ZKSCAN8: variants seen among roughly 807,000 people sequenced by gnomAD.
ZKSCAN8 encodes the protein zinc finger with KRAB and SCAN domains 8, also known as zinc finger protein with KRAB and SCAN domains 8.
Under a neutral mutation model 57.2 loss-of-function variants are expected in ZKSCAN8, and 27 were observed. That is an observed-to-expected ratio of 0.47 (90% CI 0.35 to 0.65). The LOEUF (loss-of-function observed/expected upper bound fraction) is 0.65, where lower values mean the gene tolerates loss of function less well. Ranked by LOEUF, ZKSCAN8 falls within the 30% of genes least tolerant of loss-of-function variation. ZKSCAN8 has a pLI of 0.01. For synonymous variants in ZKSCAN8, 214 were observed against 248.7 expected, an observed-to-expected ratio of 0.86 and a Z score of 1.31; for missense variants, 597 against 696.3, an observed-to-expected ratio of 0.86 and a Z score of 1.60.
In ZKSCAN8 at chr6:28,142,004, A is replaced by C. The variant is rs1229298196; in HGVS notation, c.-118A>C. 1 of 152,250 alleles carries C rather than the reference A, an allele frequency of 6.6e-6. No individual in the cohort carries two copies. Among genetic ancestry groups the C allele is most frequent in the Non-Finnish European group, 1.5e-5 (1 of 68,094 alleles). The allele number at this position is 152,250 out of a possible 1,614,324, so 9.4% of individuals were successfully genotyped here. On this transcript the variant is annotated 5_prime_UTR_variant, in exon 1 of 6. Transcript: ENST00000330236. Reference sequence around the variant, plus strand: ...TTATCCGTTGCAGCCTCCCTTCCCCACGACGGGGCGCCTCTGCAACTCACA... The same window carrying C: ...TTATCCGTTGCAGCCTCCCTTCCCCCCGACGGGGCGCCTCTGCAACTCACA...
rs973168906 is a variant in ZKSCAN8, at chr6:28,156,938, C to T, written c.*2921C>T. 6.6e-6 allele frequency: 1 copy of T among 152,218 alleles called. No individual in the cohort carries two copies. Among genetic ancestry groups the T allele is most frequent in the Non-Finnish European group, 1.5e-5 (1 of 68,052 alleles). 9.4% of individuals were successfully genotyped at this position (152,218 alleles called of 1,614,324 possible). On this transcript the variant is annotated 3_prime_UTR_variant, in exon 6 of 6. Transcript: ENST00000330236. ...GTTAACTTTACTCTTGGTTCTGAGTCTCCAAATAATAATAGCCGACGTTTA... is the reference window on the plus strand; with the variant it reads ...GTTAACTTTACTCTTGGTTCTGAGTTTCCAAATAATAATAGCCGACGTTTA...
chr6:28,152,436 T>C (rs752386179), intron 5 of ZKSCAN8, 52 bp downstream of exon 5: 9 of 1,561,022 alleles, frequency 5.8e-6, no homozygotes, highest in Admixed American at 2.0e-5. Flanking sequence ...GTTTGTTTGT[T>C]GTTTATGTGT....
chr6:28,148,290 A>G lies in ZKSCAN8; in HGVS notation c.-92-26A>G, dbSNP rs1561818814. On this transcript the variant is annotated intron_variant, in intron 1 of 5. Coordinates refer to ENST00000330236, the MANE Select transcript of ZKSCAN8 (RefSeq NM_006298.4). ...GTTACAATGACTTTTGACTTGCCTT[A>G]ACACTATCATATTTTCTTCATGAAG... is the stretch of plus-strand genomic sequence containing the variant. 9 of 1,123,972 alleles carry G rather than the reference A, an allele frequency of 8.0e-6. No homozygotes were observed. The East Asian group carries it at 2.0e-4, about 26-fold the overall frequency. 69.6% of individuals were successfully genotyped at this position (1,123,972 alleles called of 1,614,324 possible). A position where few individuals can be genotyped will look rare whatever the true frequency, so the allele number is the denominator to read the frequency against.
In ZKSCAN8 at chr6:28,153,887, A is replaced by G; in HGVS notation, c.1607A>G (p.His536Arg). 1 of 1,614,162 alleles carries G rather than the reference A, an allele frequency of 6.2e-7. No individual in the cohort carries two copies. The highest frequency in any genetic ancestry group is 8.5e-7 in the Non-Finnish European group (1 of 1,180,010). The change falls in exon 6 of 6, where the codon CAC (histidine) becomes CGC (arginine). Residue 536 changes from histidine to arginine, a missense_variant. Coordinates refer to ENST00000330236, the MANE Select transcript of ZKSCAN8 (RefSeq NM_006298.4). The part of the protein sequence containing the change: ...AFNGNTGLIQ[H>R]LRIHTGEKPY... ...AATGGGAACACTGGTCTCATTCAAC[A>G]CCTGAGAATTCACACAGGGGAGAAG...
In ZKSCAN8 at chr6:28,154,012, G is replaced by GT; in HGVS notation, c.1735dup (p.Ter579LeufsTer9). ...TGGTGAAAAATCTGAATCCATAAGC[G>GT]TTTAGGAACAACATCAGTTAGAGTT... On this transcript the variant is annotated frameshift_variant, in exon 6 of 6. Transcript: ENST00000330236. LOFTEE classifies it high-confidence loss of function. The GT allele has an allele frequency of 6.3e-7, 1 of 1,588,604 alleles. No individual in the cohort carries two copies.
Position 28,153,166 on chromosome 6 carries a change from G to T in ZKSCAN8, c.886G>T (p.Gly296Cys), listed in dbSNP as rs62401435. ...AAKCNGDVIR[G>C]LEHEEARDLL... ...CAAATGCAACGGGGATGTTATCAGG[G>T]GTCTTGAGCATGAAGAAGCCCGAGA... The change falls in exon 6 of 6, where the codon GGT becomes TGT. Residue 296 changes from glycine to cysteine, a missense_variant. Coordinates refer to ENST00000330236, the MANE Select transcript of ZKSCAN8 (RefSeq NM_006298.4). 2 of 1,614,138 alleles carry T rather than the reference G, an allele frequency of 1.2e-6. No homozygotes were observed. The highest frequency in any genetic ancestry group is 4.5e-5 in the East Asian group (2 of 44,882).
Position 28,148,620 on chromosome 6 carries a change from A to G in ZKSCAN8, c.213A>G (p.Gln71=). ...TAGGACCCCGAGAAGCTCTGATCCA[A>G]CTACGGGCCCTTTGCCATCAGTGGC... ...ETLGPREALI[Q]LRALCHQWLR... The change falls in exon 2 of 6, where the codon CAA becomes CAG. Residue 71 remains glutamine (Q), a synonymous_variant. Coordinates refer to ENST00000330236, the MANE Select transcript of ZKSCAN8 (RefSeq NM_006298.4). The G allele has an allele frequency of 1.2e-6, 2 of 1,614,172 alleles. No individual in the cohort carries two copies. Among genetic ancestry groups the G allele is most frequent in the African/African-American group, 1.3e-5 (1 of 75,034 alleles).
In ZKSCAN8 at chr6:28,155,748, C is replaced by A. The variant is rs776022203; in HGVS notation, c.*1731C>A. The A allele has an allele frequency of 6.1e-6, 1 of 165,236 alleles. No individual in the cohort carries two copies. Among genetic ancestry groups the A allele is most frequent in the Non-Finnish European group, 1.3e-5 (1 of 77,128 alleles). 10.2% of individuals were successfully genotyped at this position (165,236 alleles called of 1,614,324 possible). On this transcript the variant is annotated 3_prime_UTR_variant, in exon 6 of 6. Transcript: ENST00000330236. ...CAAAGTCTTACGTCATAGAGGACCA[C>A]CTTTTGGATCATAAATTCTTTCCCT...
chr6:28,148,479 C>G lies in ZKSCAN8; in HGVS notation c.72C>G (p.Ile24Met). 2 of 1,614,086 alleles carry G rather than the reference C, an allele frequency of 1.2e-6. No homozygotes were observed. Among genetic ancestry groups the G allele is most frequent in the Non-Finnish European group, 1.7e-6 (2 of 1,180,002 alleles). The change falls in exon 2 of 6, where the codon ATC becomes ATG. Residue 24 changes from isoleucine to methionine, a missense_variant. Ile to Met is a conservative substitution (Grantham distance 10). Transcript: ENST00000330236. Reference sequence around the variant, plus strand: ...AGACTCCTGAAGAGGATCTTGTAATCGTCAAGGTAGAGGAGGATCATGGTT... The same window carrying G: ...AGACTCCTGAAGAGGATCTTGTAATGGTCAAGGTAGAGGAGGATCATGGTT... ...PDQTPEEDLVIVKVEEDHGWD... is the reference protein window; with the variant it reads ...PDQTPEEDLVMVKVEEDHGWD...
Position 28,156,451 on chromosome 6 carries a change from G to C in ZKSCAN8, c.*2434G>C. ...GAAAATAATATGACTAGAAAAATTA[G>C]TGTTATATTGGGTGTGAGAAAAGAC... On this transcript the variant is annotated 3_prime_UTR_variant, in exon 6 of 6. Coordinates refer to ENST00000330236, the MANE Select transcript of ZKSCAN8 (RefSeq NM_006298.4). 1 of 368,608 alleles carries C rather than the reference G, an allele frequency of 2.7e-6. No individual in the cohort carries two copies. Among genetic ancestry groups the C allele is most frequent in the Non-Finnish European group, 4.8e-6 (1 of 207,028 alleles). 22.8% of individuals were successfully genotyped at this position (368,608 alleles called of 1,614,324 possible).
intron 1 of ZKSCAN8, among the ~76,000 whole-genome samples, chr6:28,145,230 C>T (rs753740005): frequency 6.6e-6 from 1 of 152,004 alleles, no homozygotes; most frequent in Non-Finnish European, 1.5e-5. Context: ...GTTGTGACAA[C>T]AAAAATATTT....
chr6:28,157,320 C>T lies in ZKSCAN8; in HGVS notation c.*3303C>T, dbSNP rs190734995. On this transcript the variant is annotated 3_prime_UTR_variant, in exon 6 of 6. Coordinates refer to ENST00000330236, the MANE Select transcript of ZKSCAN8 (RefSeq NM_006298.4). ...CTCCCACTTGGTCCCACCCACGACA[C>T]GTGGGAATTGTGGGAGCTACAATTC... 3 of 152,296 alleles carry T rather than the reference C, an allele frequency of 2.0e-5. No homozygotes were observed. Among genetic ancestry groups the T allele is most frequent in the Admixed American group, 6.5e-5 (1 of 15,298 alleles). 9.4% of individuals were successfully genotyped at this position (152,296 alleles called of 1,614,324 possible).
chr6:28,149,390 A>G (rs1581523537), intron 2 of ZKSCAN8, 93 bp from the exon 3 acceptor site: 2 of 1,493,710 alleles, frequency 1.3e-6, no homozygotes, highest in African/African-American at 1.4e-5. Flanking sequence ...TTCCCCAAGC[A>G]TATATCCCTG....
intron 1 of ZKSCAN8, 96 bp from the exon 2 acceptor site, chr6:28,148,220 T>C (rs1209496379): frequency 1.8e-4 from 100 of 559,912 alleles, no homozygotes; most frequent in Non-Finnish European, 3.1e-6. Flanking sequence ...GGCCGAGCCA[T>C]GAAGTCCGTG....
At chr6:28,152,623 G>C (rs2622319) in intron 5 of ZKSCAN8, among the ~76,000 whole-genome samples, 45,522 of 152,044 alleles carry the variant, frequency 0.3, 7,080 homozygotes, top group African/African-American at 0.38. Flanking sequence ...TGACATCTCA[G>C]AGGTGCTCTC....
intron 1 of ZKSCAN8, among the ~76,000 whole-genome samples, chr6:28,145,061 A>C (rs905853539): frequency 6.8e-6 from 1 of 146,862 alleles, no homozygotes. Context: ...CATCTCAAAC[A>C]AAAAAAAAAA....
intron 1 of ZKSCAN8, 70 bp from the exon 2 acceptor site, chr6:28,148,246 T>TGTTATGATTAACTATG (rs1237770821): frequency 1.4e-6 from 1 of 707,196 alleles, no homozygotes; most frequent in Non-Finnish European, 2.3e-6. Flanking sequence ...CTAAGGAACT[T>TGTTATGATTAACTATG]GTTAAGATAC....
intron 4 of ZKSCAN8, 96 bp from the exon 5 acceptor site, chr6:28,152,165 G>A: frequency 6.6e-7 from 1 of 1,519,662 alleles, no homozygotes; most frequent in African/African-American, 1.4e-5. Flanking sequence ...TTCCCAAGTT[G>A]TAATTCTCTC....
rs1765598519 is a variant in ZKSCAN8 at position 28,151,804 on chromosome 6, G to A, written c.560-41G>A. ...GTGAGTGCCAGCTCCCACAACCACA[G>A]GACAGGACTGGTCTCATTCATAGCT... On this transcript the variant is annotated intron_variant, in intron 3 of 5. Transcript: ENST00000330236. 8 of 1,540,036 alleles carry A rather than the reference G, an allele frequency of 5.2e-6. No individual in the cohort carries two copies. The East Asian group carries it at 1.8e-4, about 35-fold the overall frequency.
Sources: allele counts gnomAD v4.1 joint callset (sites outside exome capture counted in the v4.1 genomes callset), GRCh38; gene constraint gnomAD v4.1.1; transcripts MANE v1.5; gene names NCBI Gene and HGNC (gene_info 2026-07-23, HGNC 2026-07-21).